CAMK1D: variants seen among roughly 807,000 people sequenced by gnomAD.
The protein encoded by CAMK1D is calcium/calmodulin-dependent protein kinase type 1D.
CAMK1D carries 9 observed loss-of-function variants against 47.7 expected under a neutral mutation model. The ratio of observed to expected loss-of-function variants is 0.19; its 90% CI spans 0.11 to 0.33. The LOEUF is 0.33. Ranked by LOEUF, CAMK1D falls within the 10% of genes least tolerant of loss-of-function variation. The pLI is 1.00. For missense variants in CAMK1D, 291 were observed against 488.7 expected (o/e 0.60, Z 3.81); for synonymous variants, 184 against 184.9 (o/e 0.99, Z 0.04).
chr10:12,716,464 G>C (rs1324329387), intron 3 of CAMK1D, among the ~76,000 whole-genome samples: 1 of 152,184 alleles, frequency 6.6e-6, no homozygotes, highest in Non-Finnish European at 1.5e-5. Context: ...AGTGTTGTAC[G>C]TGTTGAGCCA....
intron 2 of CAMK1D, among the ~76,000 whole-genome samples, chr10:12,581,426 A>G (rs535802889): frequency 6.6e-6 from 1 of 152,310 alleles, no homozygotes; most frequent in South Asian, 2.1e-4. Context: ...GCTGGATCAA[A>G]CAGTAGATCT....
At chr10:12,629,987 G>A (rs755325485) in intron 2 of CAMK1D, among the ~76,000 whole-genome samples, 1 of 152,186 alleles carries the variant, frequency 6.6e-6, no homozygotes, top group Non-Finnish European at 1.5e-5. Context: ...CTGAGAGATG[G>A]TCTGTTCCGG....
chr10:12,694,354 AT>A (rs1282718232), intron 3 of CAMK1D, among the ~76,000 whole-genome samples: 1 of 78,944 alleles, frequency 1.3e-5, no homozygotes, highest in African/African-American at 5.0e-5. Flanking sequence ...TAACATATAT[AT>A]GTTATATGTT....
chr10:12,459,370 T>C (rs1169019755), intron 1 of CAMK1D, among the ~76,000 whole-genome samples: 1 of 152,234 alleles, frequency 6.6e-6, no homozygotes, highest in African/African-American at 2.4e-5. Context: ...CTGGGGTTAA[T>C]GTTCTCTGAA....
At chr10:12,601,200 T>G (rs201059338) in intron 2 of CAMK1D, among the ~76,000 whole-genome samples, 87,081 of 148,990 alleles carry the variant, frequency 0.58, 26,372 homozygotes, top group Middle Eastern at 0.72. Flanking sequence ...TTTGTTTTTT[T>G]TTTTTTTTTG....
At chr10:12,600,993 G>A (rs918744789) in intron 2 of CAMK1D, among the ~76,000 whole-genome samples, 8 of 152,062 alleles carry the variant, frequency 5.3e-5, no homozygotes, top group African/African-American at 1.4e-4. Flanking sequence ...AGTGTTCCTC[G>A]GTATGCATGT....
chr10:12,580,951 C>A (rs1199480771), intron 2 of CAMK1D, among the ~76,000 whole-genome samples: 1 of 151,968 alleles, frequency 6.6e-6, no homozygotes, highest in Non-Finnish European at 1.5e-5. Context: ...TGAATAAGTT[C>A]TTTAGTGGTG....
At chr10:12,615,797 ATG>A (rs1491211378) in intron 2 of CAMK1D, among the ~76,000 whole-genome samples, 2 of 147,608 alleles carry the variant, frequency 1.4e-5, no homozygotes, top group Admixed American at 6.8e-5. Flanking sequence ...GTGTGTAGGT[ATG>A]TGTTGTGTGC....
intron 2 of CAMK1D, among the ~76,000 whole-genome samples, chr10:12,586,990 C>G (rs1300307990): frequency 1.3e-5 from 2 of 152,138 alleles, no homozygotes; most frequent in Admixed American, 6.5e-5. Context: ...TCTGAAACCC[C>G]TTACAGGAGA....
chr10:12,546,701 A>G (rs565971080), intron 1 of CAMK1D, among the ~76,000 whole-genome samples: 12 of 152,074 alleles, frequency 7.9e-5, no homozygotes, highest in African/African-American at 2.4e-4. Context: ...TCAGCAAACT[A>G]TCGCAAGGAC....
intron 3 of CAMK1D, among the ~76,000 whole-genome samples, chr10:12,672,143 C>G (rs1446688358): frequency 3.3e-5 from 5 of 151,708 alleles, no homozygotes; most frequent in African/African-American, 1.2e-4. Flanking sequence ...TCTTGATCTC[C>G]TGACCTCGTG....
At chr10:12,725,672 C>T (rs1834592933) in intron 3 of CAMK1D, among the ~76,000 whole-genome samples, 1 of 152,224 alleles carries the variant, frequency 6.6e-6, no homozygotes, top group Admixed American at 6.5e-5. Context: ...GGCGTGTCTA[C>T]ACCTGCTTCT....
At chr10:12,639,565 A>T (rs1228371905) in intron 2 of CAMK1D, among the ~76,000 whole-genome samples, 1 of 152,096 alleles carries the variant, frequency 6.6e-6, no homozygotes, top group African/African-American at 2.4e-5. Context: ...TTTTAAATTT[A>T]ATTTTTCCCC....
intron 1 of CAMK1D, among the ~76,000 whole-genome samples, chr10:12,414,573 G>A (rs147778255): frequency 1.3e-5 from 2 of 152,226 alleles, no homozygotes; most frequent in Non-Finnish European, 2.9e-5. Context: ...CAGTTTTCTC[G>A]AGCCTCGCTG....
chr10:12,425,059 C>A (rs948474271), intron 1 of CAMK1D, among the ~76,000 whole-genome samples: 1 of 152,168 alleles, frequency 6.6e-6, no homozygotes, highest in Non-Finnish European at 1.5e-5. Flanking sequence ...TCACATTCTG[C>A]TCCAGCCACA....
chr10:12,466,850 G>A (rs980699694), intron 1 of CAMK1D, among the ~76,000 whole-genome samples: 1 of 152,046 alleles, frequency 6.6e-6, no homozygotes, highest in African/African-American at 2.4e-5. Context: ...AGCGACATCT[G>A]GTCCAGACAG....
chr10:12,428,387 G>A (rs1307041081), intron 1 of CAMK1D, among the ~76,000 whole-genome samples: 1 of 152,084 alleles, frequency 6.6e-6, no homozygotes, highest in Admixed American at 6.5e-5. Context: ...GTTAAAGACT[G>A]TCTATTCTTT....
intron 1 of CAMK1D, among the ~76,000 whole-genome samples, chr10:12,506,460 T>C (rs566795117): frequency 6.6e-6 from 1 of 152,040 alleles, no homozygotes; most frequent in African/African-American, 2.4e-5. Context: ...TAGGGAAATG[T>C]AAGTTTCTCT....
chr10:12,571,382 G>A (rs1220014229), intron 2 of CAMK1D, among the ~76,000 whole-genome samples: 1 of 147,370 alleles, frequency 6.8e-6, no homozygotes, highest in Non-Finnish European at 1.5e-5. Context: ...CTGGGAGGTG[G>A]AGGTTGCAGT....
Sources: allele counts gnomAD v4.1 joint callset (sites outside exome capture counted in the v4.1 genomes callset), GRCh38; gene constraint gnomAD v4.1.1; transcripts MANE v1.5; gene names NCBI Gene and HGNC (gene_info 2026-07-23, HGNC 2026-07-21).